PCDHGB2: variants seen among roughly 807,000 people sequenced by gnomAD.
PCDHGB2 encodes protocadherin gamma subfamily B, 2, also known as protocadherin gamma-B2.
In PCDHGB2, 55 loss-of-function variants were observed where a neutral mutation model predicts 59.3. That is an observed-to-expected ratio of 0.93 (90% confidence interval 0.75 to 1.16). The LOEUF (loss-of-function observed/expected upper bound fraction) is 1.16, where lower values mean the gene tolerates loss of function less well. Among genes scored for constraint, PCDHGB2 ranks in the 50% most tolerant of loss-of-function variants. The pLI is 0.00. For missense variants in PCDHGB2, 1,228 were observed against 1,198.5 expected (o/e 1.02, Z -0.36); for synonymous variants, 516 against 512.0 (o/e 1.01, Z -0.11).
intron 1 of PCDHGB2, among the ~76,000 whole-genome samples, chr5:141,492,408 C>T (rs1187024017): frequency 2.0e-5 from 3 of 152,244 alleles, no homozygotes; most frequent in African/African-American, 2.4e-5. Flanking sequence ...CTCCCCTCTG[C>T]CGCTCCCTCC....
chr5:141,496,888 T>TA (rs35063790), intron 2 of PCDHGB2, among the ~76,000 whole-genome samples: 34,968 of 133,936 alleles, frequency 0.26, 4,377 homozygotes, highest in Admixed American at 0.34. Flanking sequence ...AAGTAACACT[T>TA]AAAAAAAAAA....
intron 1 of PCDHGB2, chr5:141,375,115 A>G (rs987989099): frequency 1.2e-6 from 2 of 1,613,958 alleles, no homozygotes; most frequent in Non-Finnish European, 1.7e-6. Flanking sequence ...ATGATAATGT[A>G]CCAGAAGTGG....
intron 1 of PCDHGB2, chr5:141,392,937 G>A: frequency 6.2e-7 from 1 of 1,613,948 alleles, no homozygotes; most frequent in Admixed American, 1.7e-5. Context: ...GACGGACAAA[G>A]GCTCCTTCGT....
At chr5:141,472,980 CAAAA>C (rs60579131) in intron 1 of PCDHGB2, among the ~76,000 whole-genome samples, 3 of 86,106 alleles carry the variant, frequency 3.5e-5, no homozygotes, top group Admixed American at 1.2e-4. Context: ...GAGTGAAACT[CAAAA>C]AAAAAAAAAA....
intron 1 of PCDHGB2, chr5:141,478,511 C>CA: frequency 3.1e-6 from 5 of 1,611,778 alleles, no homozygotes; most frequent in Non-Finnish European, 4.2e-6. Context: ...GTTCTATAGG[C>CA]AGGTGTTGGG....
intron 1 of PCDHGB2, among the ~76,000 whole-genome samples, chr5:141,468,788 C>T (rs2099179417): frequency 6.6e-6 from 1 of 151,926 alleles, no homozygotes; most frequent in Admixed American, 6.6e-5. Context: ...ATGGCGTGAA[C>T]CCGGGAGGCG....
At chr5:141,405,217 G>A in intron 1 of PCDHGB2, 9 of 1,614,024 alleles carry the variant, frequency 5.6e-6, no homozygotes, top group Non-Finnish European at 7.6e-6. Context: ...CCTATTCTCA[G>A]GAGTTCTCCC....
intron 1 of PCDHGB2, chr5:141,441,801 G>A (rs954094882): frequency 7.8e-6 from 3 of 384,492 alleles, no homozygotes; most frequent in African/African-American, 4.4e-5. Flanking sequence ...CGCACCGCGG[G>A]TGCTGTACCC....
intron 1 of PCDHGB2, chr5:141,419,427 A>C: frequency 1.2e-6 from 2 of 1,613,290 alleles, no homozygotes; most frequent in Non-Finnish European, 1.7e-6. Context: ...TTCGACCACG[A>C]GCAGCTGCGC....
intron 1 of PCDHGB2, chr5:141,398,946 C>A: frequency 6.2e-7 from 1 of 1,613,948 alleles, no homozygotes; most frequent in Non-Finnish European, 8.5e-7. Flanking sequence ...ACGAGGGCAT[C>A]AACTCAGAAA....
intron 1 of PCDHGB2, among the ~76,000 whole-genome samples, chr5:141,492,418 C>T (rs1428695013): frequency 2.0e-5 from 3 of 152,236 alleles, no homozygotes; most frequent in Admixed American, 1.3e-4. Flanking sequence ...CCGCTCCCTC[C>T]GCCGGGCTCA....
At position 141,486,827 on chromosome 5, in the gene PCDHGB2, C is replaced by G. The variant is rs758132181; in HGVS notation, c.2422-7980C>G. 1.2e-6 allele frequency: 2 copies of G among 1,614,228 alleles called. No homozygotes were observed. Among genetic ancestry groups the G allele is most frequent in the Admixed American group, 1.7e-5 (1 of 60,034 alleles). On this transcript the variant is annotated intron_variant, in intron 1 of 3. Transcript: ENST00000522605. This position sits in a 1 kb window ranked among gnomAD's most constrained non-coding sequence, Gnocchi z 5.0. ...ACCCCTTAGCAGCACTGTAACAGTTCGTCTATTTGTGCTGGACCTCAATGA... is the reference window on the plus strand; with the variant it reads ...ACCCCTTAGCAGCACTGTAACAGTTGGTCTATTTGTGCTGGACCTCAATGA...
At chr5:141,404,662 T>G (rs1314002801) in intron 1 of PCDHGB2, 1 of 1,614,208 alleles carries the variant, frequency 6.2e-7, no homozygotes, top group East Asian at 2.2e-5. Flanking sequence ...TCCCCACTGA[T>G]GGTTCTACTG....
At chr5:141,506,934 G>A (rs187503673) in intron 3 of PCDHGB2, among the ~76,000 whole-genome samples, 54 of 152,232 alleles carry the variant, frequency 3.5e-4, no homozygotes, top group African/African-American at 1.3e-3. Flanking sequence ...AAACTTTAGG[G>A]GCCTCCTGTC....
chr5:141,507,861 C>G (rs538942097), intron 3 of PCDHGB2, among the ~76,000 whole-genome samples: 6 of 152,306 alleles, frequency 3.9e-5, no homozygotes, highest in South Asian at 4.1e-4. Flanking sequence ...CTTTCACACC[C>G]GCTTCCTAGC....
intron 1 of PCDHGB2, chr5:141,371,538 A>T: frequency 6.2e-7 from 1 of 1,613,804 alleles, no homozygotes; most frequent in Non-Finnish European, 8.5e-7. Context: ...TAATGGAGAA[A>T]TCCTATGCCA....
In PCDHGB2 at chr5:141,371,791, C is replaced by G. The variant is rs758674133; in HGVS notation, c.2421+9235C>G. The stretch of plus-strand genomic sequence containing the variant: ...ACCGTGCATGTAGCTGAGAACAATC[C>G]GCCTGGAGCCTCCATTGCGCATGTC... On this transcript the variant is annotated intron_variant, in intron 1 of 3. Transcript: ENST00000522605. 6.2e-7 allele frequency: 1 copy of G among 1,613,938 alleles called. No homozygotes were observed. Among genetic ancestry groups the G allele is most frequent in the East Asian group, 2.2e-5 (1 of 44,884 alleles).
intron 1 of PCDHGB2, among the ~76,000 whole-genome samples, chr5:141,459,035 A>T (rs1404092581): frequency 6.6e-6 from 1 of 152,218 alleles, no homozygotes; most frequent in Non-Finnish European, 1.5e-5. Context: ...ATCCAGCCTT[A>T]CCAGCTATAT....
At chr5:141,437,832 G>A (rs929534984) in intron 1 of PCDHGB2, among the ~76,000 whole-genome samples, 2 of 151,794 alleles carry the variant, frequency 1.3e-5, no homozygotes, top group Admixed American at 1.3e-4. Context: ...CTGCCTCCTG[G>A]GTTCATGCTA....
Sources: gnomAD v4.1 joint callset for allele counts (sites outside exome capture counted in the v4.1 genomes callset) on GRCh38, gnomAD v4.1.1 for gene constraint, Gnocchi (gnomAD v3.1) non-coding constraint, MANE v1.5 for transcripts, NCBI Gene and HGNC (gene_info 2026-07-23, HGNC 2026-07-21) for gene names.